The following GPC6 variants were observed in gnomAD, a reference collection of about 807,000 sequenced individuals.
GPC6 encodes the protein glypican-6.
In GPC6, 14 loss-of-function variants were observed where a neutral mutation model predicts 55.2. The observed-to-expected ratio is 0.25, with a 90% CI of 0.17 to 0.40. The LOEUF (loss-of-function observed/expected upper bound fraction) is 0.40, where lower values mean the gene tolerates loss of function less well. GPC6 is among the 10% of genes least tolerant of loss of function. The pLI, the probability that GPC6 is intolerant of heterozygous loss-of-function variation, is 1.00. For synonymous variants in GPC6, 278 were observed against 259.6 expected (o/e 1.07, Z -0.68); for missense variants, 641 against 708.5 (o/e 0.90, Z 1.08).
chr13:93,956,423 G>A (rs1180632271), intron 3 of GPC6, among the ~76,000 whole-genome samples: 1 of 152,022 alleles, frequency 6.6e-6, no homozygotes, highest in Non-Finnish European at 1.5e-5. Flanking sequence ...TCATGTCAAA[G>A]TTAAAACTAC....
chr13:94,091,908 T>TTGTGTGTG (rs61061006), intron 4 of GPC6, among the ~76,000 whole-genome samples: 26,218 of 148,328 alleles, frequency 0.18, 2,502 homozygotes, highest in South Asian at 0.25. Flanking sequence ...GTGTGTGTGT[T>TTGTGTGTG]TGTGTGTGTG....
At chr13:94,151,026 G>T (rs1158419099) in intron 4 of GPC6, among the ~76,000 whole-genome samples, 1 of 151,746 alleles carries the variant, frequency 6.6e-6, no homozygotes, top group Non-Finnish European at 1.5e-5. Flanking sequence ...ATATTCTTAT[G>T]ATAGCTCATT....
chr13:93,894,920 G>C (rs1875899448), intron 3 of GPC6, among the ~76,000 whole-genome samples: 1 of 151,688 alleles, frequency 6.6e-6, no homozygotes, highest in East Asian at 1.9e-4. Context: ...ATATTATTCT[G>C]AAATACGTAT....
chr13:93,722,398 T>C (rs1883485034), intron 2 of GPC6, among the ~76,000 whole-genome samples: 1 of 151,752 alleles, frequency 6.6e-6, no homozygotes. Flanking sequence ...TTTACTGGAT[T>C]TTTAAGTATT....
In GPC6 at chr13:93,462,854, C is replaced by G. The variant is rs145120745; in HGVS notation, c.161-82409C>G. 8.1e-3 allele frequency among the ~76,000 whole-genome samples: 1,235 copies of G among 152,208 alleles called. 11 individuals are homozygous for G. The highest frequency in any genetic ancestry group is 0.013 in the Non-Finnish European group (878 of 68,016). ...GCGACTTCTTTGGTCCTGGCAGTGT[C>G]TCTGCATCACCTGTGTCCTTCCTTT... On this transcript the variant is annotated intron_variant, in intron 1 of 8. Transcript: ENST00000377047.
intron 4 of GPC6, among the ~76,000 whole-genome samples, chr13:94,285,582 A>G (rs1307644630): frequency 1.3e-5 from 2 of 152,216 alleles, no homozygotes; most frequent in Non-Finnish European, 2.9e-5. Flanking sequence ...CTCTATGTTA[A>G]GTCCTTATGA....
At chr13:94,084,621 A>ATGTG (rs1885218651) in intron 4 of GPC6, among the ~76,000 whole-genome samples, 3 of 151,956 alleles carry the variant, frequency 2.0e-5, no homozygotes, top group Non-Finnish European at 4.4e-5. Context: ...CATGGAGGCA[A>ATGTG]TTTGTTTGTT....
At chr13:94,039,347 G>T (rs2021983) in intron 4 of GPC6, among the ~76,000 whole-genome samples, 20,226 of 151,928 alleles carry the variant, frequency 0.13, 1,638 homozygotes, top group East Asian at 0.26. Flanking sequence ...ACTTGTGGTA[G>T]TAAGACTAGA....
chr13:93,527,239 A>G (rs1038042635), intron 1 of GPC6, among the ~76,000 whole-genome samples: 2 of 152,080 alleles, frequency 1.3e-5, no homozygotes, highest in African/African-American at 4.8e-5. Context: ...AAGAGCACCT[A>G]ACATCTATCT....
At chr13:93,959,642 C>A (rs1879677147) in intron 3 of GPC6, among the ~76,000 whole-genome samples, 1 of 151,976 alleles carries the variant, frequency 6.6e-6, no homozygotes, top group Non-Finnish European at 1.5e-5. Context: ...ATCTCTAGAC[C>A]CTCTTAGTTT....
intron 1 of GPC6, among the ~76,000 whole-genome samples, chr13:93,241,772 C>T (rs1876437626): frequency 6.6e-6 from 1 of 151,570 alleles, no homozygotes; most frequent in Non-Finnish European, 1.5e-5. Flanking sequence ...GCTTCCTTCT[C>T]ATCTGGATAG....
At chr13:93,366,654 G>A (rs1881260217) in intron 1 of GPC6, among the ~76,000 whole-genome samples, 1 of 151,904 alleles carries the variant, frequency 6.6e-6, no homozygotes, top group African/African-American at 2.4e-5. Flanking sequence ...GAGTGTTAGG[G>A]GAAAGAAACT....
intron 6 of GPC6, among the ~76,000 whole-genome samples, chr13:94,347,791 GT>G (rs778873244): frequency 3.3e-5 from 5 of 152,210 alleles, no homozygotes; most frequent in Non-Finnish European, 7.3e-5. Context: ...AAAAACTGCA[GT>G]GGAAATATAC....
intron 4 of GPC6, among the ~76,000 whole-genome samples, chr13:94,199,158 G>A (rs73547975): frequency 0.012 from 1,870 of 152,328 alleles, 35 homozygotes; most frequent in African/African-American, 0.041. Flanking sequence ...ACTTCATCCC[G>A]TGTTTGTGAA....
intron 2 of GPC6, among the ~76,000 whole-genome samples, chr13:93,603,231 C>T (rs923350343): frequency 6.6e-6 from 1 of 152,086 alleles, no homozygotes. Context: ...TGGTCTCAAA[C>T]TCCTAAATTC....
intron 1 of GPC6, among the ~76,000 whole-genome samples, chr13:93,373,948 A>G (rs368291913): frequency 6.6e-6 from 1 of 152,176 alleles, no homozygotes; most frequent in East Asian, 1.9e-4. Flanking sequence ...AGTGCCTCAA[A>G]TGTCCTGAGC....
At chr13:93,639,582 G>A (rs1378567789) in intron 2 of GPC6, among the ~76,000 whole-genome samples, 5 of 152,128 alleles carry the variant, frequency 3.3e-5, no homozygotes, top group African/African-American at 1.2e-4. Context: ...GCTTGGACCA[G>A]TATGGGGTGA....
At chr13:93,331,949 A>C (rs1018647459) in intron 1 of GPC6, among the ~76,000 whole-genome samples, 4 of 152,142 alleles carry the variant, frequency 2.6e-5, no homozygotes, top group Non-Finnish European at 4.4e-5. Flanking sequence ...TATATAAGTG[A>C]TAACATGCAA....
chr13:94,035,917 T>G (rs1883317220), intron 4 of GPC6, among the ~76,000 whole-genome samples: 1 of 152,036 alleles, frequency 6.6e-6, no homozygotes, highest in Non-Finnish European at 1.5e-5. Flanking sequence ...GAGTTTTCTT[T>G]TTCCTCAGGG....
Sources: allele counts gnomAD v4.1 joint callset (sites outside exome capture counted in the v4.1 genomes callset), GRCh38; gene constraint gnomAD v4.1.1; transcripts MANE v1.5; gene names NCBI Gene and HGNC (gene_info 2026-07-23, HGNC 2026-07-21).